The following COL6A3 variants were observed in gnomAD, a reference collection of about 807,000 sequenced individuals.
The protein encoded by COL6A3 is collagen alpha-3(VI) chain.
A neutral mutation model predicts 274.1 loss-of-function variants in COL6A3; 137 were observed. The observed-to-expected ratio is 0.50, with a 90% CI of 0.44 to 0.58. The LOEUF (loss-of-function observed/expected upper bound fraction) is 0.58. Among genes scored for constraint, COL6A3 ranks in the 20% least tolerant of loss-of-function variants. The pLI is 0.00. For synonymous variants in COL6A3, 1,650 were observed against 1,650.6 expected (o/e 1.00, Z 0.01); for missense variants, 3,950 against 4,124.9 (o/e 0.96, Z 1.16).
intron 36 of COL6A3, chr2:237,343,897 T>A: frequency 3.6e-6 from 1 of 276,118 alleles, no homozygotes; most frequent in South Asian, 4.0e-5. Flanking sequence ...ATCCATGAGG[T>A]GAGACTGATG....
rs749438477 is a variant in COL6A3, at chr2:237,365,838, C to T, written c.5698G>A (p.Ala1900Thr). The change falls in exon 12 of 44, where the codon GCC (alanine) becomes ACC (threonine). Residue 1900 changes from alanine (A) to threonine (T), a missense_variant. This residue lies in a region of COL6A3 where 632 missense variants were observed against 623.4 expected (regional missense o/e 1.01). Coordinates refer to ENST00000295550, the MANE Select transcript of COL6A3 (RefSeq NM_004369.4). The part of the protein sequence containing the change: ...VANTPSGPVE[A>T]FDFDEYQPEM... Reference sequence around the variant, plus strand: ...GGCTGGTACTCGTCAAAGTCAAAGGCCTCCACCGGGCCCGAGGGCGTGTTG... The same window carrying T: ...GGCTGGTACTCGTCAAAGTCAAAGGTCTCCACCGGGCCCGAGGGCGTGTTG... 2.0e-5 allele frequency: 32 copies of T among 1,614,096 alleles called. No individual in the cohort carries two copies. The highest frequency in any genetic ancestry group is 2.6e-5 in the Non-Finnish European group (31 of 1,180,046).
intron 4 of COL6A3, among the ~76,000 whole-genome samples, chr2:237,385,163 G>T (rs1055393074): frequency 6.6e-5 from 10 of 152,164 alleles, no homozygotes; most frequent in Admixed American, 1.3e-4. Context: ...AGAATATTTT[G>T]CCTGGTCACT....
Position 237,342,106 on chromosome 2 carries a change from G to A in COL6A3, c.7724C>T (p.Thr2575Ile). The change falls in exon 37 of 44, where the codon ACA (threonine) becomes ATA (isoleucine). Residue 2575 changes from threonine to isoleucine, a missense_variant. Transcript: ENST00000295550. ...CGTGAGGACATTCTCCAGGAAGTCT[G>A]TGAGGTCTCTCCCTGCAGGCAGGAC... ...ALVLPAGRDL[T>I]DFLENVLTCH... The A allele has an allele frequency of 6.2e-7, 1 of 1,614,218 alleles. No individual in the cohort carries two copies. The highest frequency in any genetic ancestry group is 1.3e-5 in the African/African-American group (1 of 75,066).
chr2:237,352,930 A>T (rs1018783192), intron 25 of COL6A3, among the ~76,000 whole-genome samples: 6 of 152,236 alleles, frequency 3.9e-5, no homozygotes, highest in African/African-American at 1.4e-4. Context: ...CACACAACAG[A>T]GTATCCTTCC....
intron 1 of COL6A3, among the ~76,000 whole-genome samples, chr2:237,403,345 G>C (rs1022749108): frequency 6.6e-6 from 1 of 152,164 alleles, no homozygotes; most frequent in Non-Finnish European, 1.5e-5. Flanking sequence ...GGACCCATGT[G>C]GCTTTGGATT....
intron 1 of COL6A3, among the ~76,000 whole-genome samples, chr2:237,403,789 T>C (rs1381666096): frequency 6.6e-6 from 1 of 151,822 alleles, no homozygotes; most frequent in Non-Finnish European, 1.5e-5. Context: ...GGACTGCCTG[T>C]TCTCCTCCCT....
At chr2:237,357,447 C>T in intron 22 of COL6A3, 56 bp from the exon 23 acceptor site, 1 of 1,464,186 alleles carries the variant, frequency 6.8e-7, no homozygotes, top group South Asian at 1.1e-5. Flanking sequence ...ATGTCTAGCT[C>T]TGAAATGCTG....
At chr2:237,410,321 TGAAACAGG>T (rs2078825808) in intron 1 of COL6A3, among the ~76,000 whole-genome samples, 1 of 144,184 alleles carries the variant, frequency 6.9e-6, no homozygotes, top group African/African-American at 2.5e-5. Context: ...TTTTTTTTTC[TGAAACAGG>T]GTCTGGTTCT....
chr2:237,338,309 T>C (rs1700653697), intron 39 of COL6A3, among the ~76,000 whole-genome samples: 1 of 152,106 alleles, frequency 6.6e-6, no homozygotes, highest in African/African-American at 2.4e-5. Context: ...AGAGACCACA[T>C]GGAGCAGAGA....
At chr2:237,403,766 C>A (rs2078652731) in intron 1 of COL6A3, among the ~76,000 whole-genome samples, 1 of 151,978 alleles carries the variant, frequency 6.6e-6, no homozygotes, top group Non-Finnish European at 1.5e-5. Context: ...GGCTCAGGGA[C>A]CCCCGACAGG....
intron 41 of COL6A3, among the ~76,000 whole-genome samples, chr2:237,333,833 T>C (rs1337326957): frequency 6.6e-6 from 1 of 152,164 alleles, no homozygotes; most frequent in African/African-American, 2.4e-5. Flanking sequence ...AATAGAGCCC[T>C]AGGGTTGACT....
chr2:237,386,790 T>C (rs1025622637), intron 4 of COL6A3, among the ~76,000 whole-genome samples: 2 of 152,214 alleles, frequency 1.3e-5, no homozygotes, highest in Admixed American at 6.5e-5. Flanking sequence ...TTGATAGGTC[T>C]GAAAAGTGAC....
intron 42 of COL6A3, chr2:237,328,057 CTCT>C (rs992100696): frequency 1.3e-5 from 2 of 152,190 alleles, no homozygotes; most frequent in Non-Finnish European, 2.9e-5. Context: ...CCTTAATTTG[CTCT>C]TCTTTATTAT....
chr2:237,356,930 G>T lies in COL6A3; in HGVS notation c.6591+408C>A, dbSNP rs2645776. 784 of 260,962 alleles carry T rather than the reference G, an allele frequency of 3.0e-3. 4 individuals are homozygous for T. Among genetic ancestry groups the T allele is most frequent in the Non-Finnish European group, 4.3e-3 (588 of 137,280 alleles). The allele number at this position is 260,962 out of a possible 1,614,324, so 16.2% of individuals were successfully genotyped here. A position where few individuals can be genotyped will look rare whatever the true frequency, so the allele number is the denominator to read the frequency against. On this transcript the variant is annotated intron_variant, in intron 23 of 43. Transcript: ENST00000295550. Reference sequence around the variant, plus strand: ...ATCTAGTTTTTTTATTTCACTTACAGCATCCCCCCAAAAACCCACAGATAA... The same window carrying T: ...ATCTAGTTTTTTTATTTCACTTACATCATCCCCCCAAAAACCCACAGATAA...
At position 237,378,831 on chromosome 2, in the gene COL6A3, G is replaced by C. The variant is rs200722892; in HGVS notation, c.2302C>G (p.Arg768Gly). ...SYLQAANALT[R>G]AGILTFCVGA... ...ACACAAAAAGTCAGGATGCCCGCGC[G>C]TGTCAAGGCGTTGGCAGCTTGCAAA... Residue 768 changes from arginine to glycine, a missense_variant, in exon 6 of 44, where the codon CGC becomes GGC. Arg to Gly is a moderately radical substitution (Grantham distance 125, BLOSUM62 -2). Transcript: ENST00000295550. The C allele has an allele frequency of 2.5e-6, 4 of 1,614,236 alleles. No homozygotes were observed. The highest frequency in any genetic ancestry group is 3.3e-4 in the Middle Eastern group (2 of 6,062).
rs1260922094 is a variant in COL6A3 at position 237,367,213 on chromosome 2, C to A, written c.4974G>T (p.Val1658=). 3 of 1,613,988 alleles carry A rather than the reference C, an allele frequency of 1.9e-6. No homozygotes were observed. The highest frequency in any genetic ancestry group is 2.5e-6 in the Non-Finnish European group (3 of 1,179,872). Residue 1658 remains valine (V), a synonymous_variant, in exon 11 of 44, where the codon GTG becomes GTT. Coordinates refer to ENST00000295550, the MANE Select transcript of COL6A3 (RefSeq NM_004369.4). ...CCACTATTTCAGACACAAAACGAAG[C>A]ACTTCCTGGAAACTGTCCCTCCTGA... ...INFRRDSFQE[V]LRFVSEIVDT... is the part of the protein sequence containing the mutation.
rs564146516 is a variant in COL6A3, at chr2:237,407,203, C to T, written c.-31+6750G>A. Among the ~76,000 whole-genome samples, 1 of 152,300 alleles carries T rather than the reference C, an allele frequency of 6.6e-6. No homozygotes were observed. The highest frequency in any genetic ancestry group is 6.5e-5 in the Admixed American group (1 of 15,294). ...CTGGGATTATAGGCATGAGCCACTA[C>T]ACCTGGCCTTTGAATTTCTATTCTA... On this transcript the variant is annotated intron_variant, in intron 1 of 43. Transcript: ENST00000295550. This position sits in a 1 kb window ranked among gnomAD's most constrained non-coding sequence, Gnocchi z 4.3.
rs890268146 is a variant in COL6A3 at position 237,340,968 on chromosome 2, C to T, written c.7948G>A (p.Asp2650Asn). The change falls in exon 38 of 44, where the codon GAC becomes AAC. Residue 2650 changes from aspartate (D) to asparagine (N), a missense_variant. Physicochemically the swap from Asp to Asn is conservative, Grantham distance 23. Transcript: ENST00000295550. ...GAGGCCTTGGGATCTGGGCTCATGTCCAGTTGTCTGACCAGGTACGCTATG... is the reference window on the plus strand; with the variant it reads ...GAGGCCTTGGGATCTGGGCTCATGTTCAGTTGTCTGACCAGGTACGCTATG... ...KYIAYLVRQL[D>N]MSPDPKASQH... is the part of the protein sequence containing the mutation. 12 of 1,614,164 alleles carry T rather than the reference C, an allele frequency of 7.4e-6. No homozygotes were observed. Among genetic ancestry groups the T allele is most frequent in the Non-Finnish European group, 8.5e-6 (10 of 1,180,032 alleles).
rs1177122610 is a variant in COL6A3 at position 237,348,626 on chromosome 2, C to T, written c.6917G>A (p.Arg2306His). ...GCAGATACGTACTTTTTTGCCTCTG[C>T]GTCCTTCACTGCCAACTCCGTCTCT... ...DGRDGVGSEG[R>H]RGKKGERGFP... Residue 2306 changes from arginine (R) to histidine (H), a missense_variant, in exon 29 of 44, where the codon CGC becomes CAC. Coordinates refer to ENST00000295550, the MANE Select transcript of COL6A3 (RefSeq NM_004369.4). 8.7e-6 allele frequency: 14 copies of T among 1,614,150 alleles called. No individual in the cohort carries two copies. Among genetic ancestry groups the T allele is most frequent in the African/African-American group, 1.3e-5 (1 of 75,062 alleles).
Sources: gnomAD v4.1 joint callset for allele counts (sites outside exome capture counted in the v4.1 genomes callset) on GRCh38, gnomAD v4.1.1 for gene constraint, gnomAD v4.1.1 regional missense constraint, Gnocchi (gnomAD v3.1) non-coding constraint, MANE v1.5 for transcripts, NCBI Gene and HGNC (gene_info 2026-07-23, HGNC 2026-07-21) for gene names.